The following SGSH variants were observed in gnomAD, a reference collection of about 807,000 sequenced individuals.
SGSH encodes heparan sulfate sulfatase.
SGSH carries 48 observed loss-of-function variants against 51.0 expected under a neutral mutation model. That is an observed-to-expected ratio of 0.94 (90% confidence interval 0.75 to 1.20). The LOEUF (loss-of-function observed/expected upper bound fraction) is 1.20, where lower values mean the gene tolerates loss of function less well. Ranked by LOEUF, SGSH falls within the 50% of genes most tolerant of loss-of-function variation. The pLI, the probability that SGSH is intolerant of heterozygous loss-of-function variation, is 0.00. For synonymous variants in SGSH, 321 were observed against 313.4 expected (o/e 1.02, Z -0.26); for missense variants, 662 against 717.8 (o/e 0.92, Z 0.89).
intron 2 of SGSH, chr17:80,216,625 T>C (rs1320090117): frequency 4.0e-6 from 1 of 250,772 alleles, no homozygotes; most frequent in East Asian, 8.5e-5. Flanking sequence ...CGGTGTCCGC[T>C]CCCTGCACCA....
rs2042100337 is a variant in SGSH, at chr17:80,220,248, G to C, written c.66C>G (p.Pro22=). 3 of 1,523,698 alleles carry C rather than the reference G, an allele frequency of 2.0e-6. No homozygotes were observed. The highest frequency in any genetic ancestry group is 2.6e-6 in the Non-Finnish European group (3 of 1,142,146). 94.4% of individuals were successfully genotyped at this position (1,523,698 alleles called of 1,614,324 possible). A position where few individuals can be genotyped will look rare whatever the true frequency, so the allele number is the denominator to read the frequency against. ...CACCGAGGAGCAGCAGTGCGTTCCGGGGACGCGCCCGGCAGAGCCCCAGGA... is the reference window on the plus strand; with the variant it reads ...CACCGAGGAGCAGCAGTGCGTTCCGCGGACGCGCCCGGCAGAGCCCCAGGA... ...LLVLGLCRAR[P]RNALLLLADD... The change falls in exon 1 of 8, where the codon CCC becomes CCG. Residue 22 remains proline (P), a synonymous_variant. Transcript: ENST00000326317.
rs776255667 is a variant in SGSH at position 80,210,474 on chromosome 17, T to A, written c.1487A>T (p.Gln496Leu). The A allele has an allele frequency of 6.3e-7, 1 of 1,599,418 alleles. No homozygotes were observed. The highest frequency in any genetic ancestry group is 1.1e-5 in the South Asian group (1 of 90,682). The change falls in exon 8 of 8, where the codon CAG becomes CTG. Residue 496 changes from glutamine to leucine, a missense_variant. Coordinates refer to ENST00000326317, the MANE Select transcript of SGSH (RefSeq NM_000199.5). ...TGGTCACAGCTCATTGTGGAGGGGCTGGCACTGGGGAGAGAGCTTCTCCTC... is the reference window on the plus strand; with the variant it reads ...TGGTCACAGCTCATTGTGGAGGGGCAGGCACTGGGGAGAGAGCTTCTCCTC... ...VLEEKLSPQC[Q>L]PLHNEL is the part of the protein sequence containing the mutation.
chr17:80,206,987 G>A (rs1455186252), downstream of SGSH: 2 of 1,611,902 alleles, frequency 1.2e-6, no homozygotes, highest in Non-Finnish European at 1.7e-6. Flanking sequence ...ATGCCCTCCT[G>A]GACGTCCAGC....
rs767947361 is a variant in SGSH at position 80,214,107 on chromosome 17, TAGG to T, written c.663+62_663+64del. The T allele has an allele frequency of 1.7e-5, 27 of 1,549,296 alleles. No homozygotes were observed. The Admixed American group carries it at 2.7e-4, about 16-fold the overall frequency. On this transcript the variant is annotated intron_variant, in intron 5 of 7. Transcript: ENST00000326317. ...ATCTAGGGCCAGGGCTGCAAGCTCGTAGGAGGCCAGGGTCCCCGACCCAGGGCT... is the reference window on the plus strand; with the variant it reads ...ATCTAGGGCCAGGGCTGCAAGCTCGTAGGCCAGGGTCCCCGACCCAGGGCT...
downstream of SGSH, chr17:80,203,185 A>C (rs1598701281): frequency 6.6e-6 from 1 of 151,424 alleles, no homozygotes; most frequent in African/African-American, 2.4e-5. This position sits in a 1 kb window ranked among gnomAD's most constrained non-coding sequence, Gnocchi z 4.6. Flanking sequence ...CAGGAGAATC[A>C]CTTGAACCCC....
downstream of SGSH, chr17:80,205,459 G>T: frequency 1.9e-6 from 3 of 1,544,960 alleles, no homozygotes; most frequent in Non-Finnish European, 1.8e-6. Context: ...GGGGACAGGG[G>T]TGTTTACCAT....
In SGSH at chr17:80,215,230, G is replaced by A. The variant is rs148579534; in HGVS notation, c.250-92C>T. 189 of 885,028 alleles carry A rather than the reference G, an allele frequency of 2.1e-4. 1 individual carries two copies. In the East Asian group the frequency reaches 4.8e-3, roughly 22 times the overall value. The allele number at this position is 885,028 out of a possible 1,614,324, so 54.8% of individuals were successfully genotyped here. A position where few individuals can be genotyped will look rare whatever the true frequency, so the allele number is the denominator to read the frequency against. On this transcript the variant is annotated intron_variant, in intron 2 of 7. Transcript: ENST00000326317. ...TCCCACGGCCCTCCCATCCCCAGGG[G>A]CCTTCTCGGGGCCCTGATTTAGACT...
chr17:80,206,301 A>G (rs2144589964), downstream of SGSH, among the ~76,000 whole-genome samples: 1 of 152,200 alleles, frequency 6.6e-6, no homozygotes, highest in Non-Finnish European at 1.5e-5. Context: ...CCGTCTCTAA[A>G]AAAAATTAAA....
chr17:80,219,956 A>C, intron 1 of SGSH: 1 of 370,708 alleles, frequency 2.7e-6, no homozygotes. Context: ...CTGGCTGGGC[A>C]GGGTCAGAGG....
At chr17:80,215,199 C>T (rs1262922912) in intron 2 of SGSH, 61 bp from the exon 3 acceptor site, 5 of 1,265,414 alleles carry the variant, frequency 4.0e-6, no homozygotes, top group Non-Finnish European at 5.6e-6. Context: ...CCTGCCGCAC[C>T]TGTTCTCCCA....
At position 80,211,186 on chromosome 17, in the gene SGSH, G is replaced by A. The variant is rs2041649738; in HGVS notation, c.950-175C>T. 4 of 1,483,224 alleles carry A rather than the reference G, an allele frequency of 2.7e-6. No homozygotes were observed. The East Asian group carries it at 9.9e-5, about 37-fold the overall frequency. The allele number at this position is 1,483,224 out of a possible 1,614,324, so 91.9% of individuals were successfully genotyped here. A position where few individuals can be genotyped will look rare whatever the true frequency, so the allele number is the denominator to read the frequency against. ...CCACGTCATCTCTCTGGGCCTCAGTGCCTTGAATGGTATAACAAGAGGCCC... is the reference window on the plus strand; with the variant it reads ...CCACGTCATCTCTCTGGGCCTCAGTACCTTGAATGGTATAACAAGAGGCCC... On this transcript the variant is annotated intron_variant, in intron 7 of 7. Transcript: ENST00000326317.
chr17:80,215,046 A>T lies in SGSH; in HGVS notation c.342T>A (p.Ala114=). 6.2e-7 allele frequency: 1 copy of T among 1,611,122 alleles called. No homozygotes were observed. The highest frequency in any genetic ancestry group is 8.5e-7 in the Non-Finnish European group (1 of 1,179,784). The part of the protein sequence containing the change: ...VRSLPLLLSQ[A]GVRTGIIGKK... ...CGGGGTCCTCACCTGTGCGCACACC[A>T]GCTTGGCTGAGCAGCAGCGGCAGGC... The change falls in exon 3 of 8, where the codon GCT becomes GCA. Residue 114 remains alanine (A), a synonymous_variant. Transcript: ENST00000326317.
Position 80,212,112 on chromosome 17 carries a change from T to C in SGSH, c.908A>G (p.Lys303Arg). 6.2e-7 allele frequency: 1 copy of C among 1,613,560 alleles called. No individual in the cohort carries two copies. ...PLLVSSPEHPKRWGQVSEAYV... is the reference protein window; with the variant it reads ...PLLVSSPEHPRRWGQVSEAYV... Reference sequence around the variant, plus strand: ...GGCCTCGCTGACTTGGCCCCAGCGTTTTGGGTGCTCCGGGGATGACACCAG... The same window carrying C: ...GGCCTCGCTGACTTGGCCCCAGCGTCTTGGGTGCTCCGGGGATGACACCAG... The change falls in exon 7 of 8, where the codon AAA becomes AGA. Residue 303 changes from lysine to arginine, a missense_variant. Lys to Arg is a conservative substitution (Grantham distance 26). Transcript: ENST00000326317. The surrounding 1 kb of genome is among the most constrained non-coding windows in gnomAD (Gnocchi z 5.9).
downstream of SGSH, chr17:80,202,231 A>G (rs547193979): frequency 6.2e-7 from 1 of 1,613,492 alleles, no homozygotes; most frequent in South Asian, 1.1e-5. Context: ...ACCTCGGGGG[A>G]CTCATTCTAC....
chr17:80,219,130 A>C (rs2042016631), intron 1 of SGSH, among the ~76,000 whole-genome samples: 1 of 134,556 alleles, frequency 7.4e-6, no homozygotes, highest in South Asian at 2.6e-4. Flanking sequence ...ACTGTGCTCC[A>C]GCCTGGGTGA....
chr17:80,219,090 A>G (rs8078969), intron 1 of SGSH, among the ~76,000 whole-genome samples: 72,594 of 144,632 alleles, frequency 0.5, 19,375 homozygotes, highest in African/African-American at 0.72. Flanking sequence ...AGCCTGGGAG[A>G]TTGAGGCTGC....
At chr17:80,205,556 G>A (rs776439889), downstream of SGSH, 6 of 1,584,654 alleles carry the variant, frequency 3.8e-6, no homozygotes, top group Admixed American at 1.1e-4. Flanking sequence ...AGGAGTATGA[G>A]GCCTGGAGCC....
downstream of SGSH, chr17:80,202,676 T>G: frequency 3.3e-6 from 4 of 1,211,760 alleles, no homozygotes; most frequent in East Asian, 3.2e-5. Flanking sequence ...TTAGCTTTGG[T>G]ACCATGGACG....
downstream of SGSH, chr17:80,202,281 G>A (rs144355385): frequency 6.2e-7 from 1 of 1,613,948 alleles, no homozygotes; most frequent in Non-Finnish European, 8.5e-7. Context: ...GGCCAAAGGG[G>A]AGCTGCAGGT....
Sources: gnomAD v4.1 joint callset for allele counts (sites outside exome capture counted in the v4.1 genomes callset) on GRCh38, gnomAD v4.1.1 for gene constraint, Gnocchi (gnomAD v3.1) non-coding constraint, MANE v1.5 for transcripts, NCBI Gene and HGNC (gene_info 2026-07-23, HGNC 2026-07-21) for gene names.